LPP: variants seen among roughly 807,000 people sequenced by gnomAD.
The protein encoded by LPP is LIM domain containing preferred translocation partner in lipoma.
In LPP, 38 loss-of-function variants were observed where a neutral mutation model predicts 60.4. The ratio of observed to expected loss-of-function variants is 0.63; its 90% CI spans 0.49 to 0.83. The LOEUF (loss-of-function observed/expected upper bound fraction) is 0.83. Ranked by LOEUF, LPP falls within the 40% of genes least tolerant of loss-of-function variation. The probability of loss-of-function intolerance (pLI) is 0.00; values close to 1 mark genes in which losing one functional copy is unlikely to be tolerated. For synonymous variants in LPP, 328 were observed against 290.8 expected, an observed-to-expected ratio of 1.13 and a Z score of -1.30; for missense variants, 902 against 783.6, an observed-to-expected ratio of 1.15 and a Z score of -1.80.
chr3:188,882,549 C>A lies in LPP; in HGVS notation c.*8070C>A, dbSNP rs372945028. ...GAACTTTATTATCACAGAATATGAGCATTCTTATTGATCCACAGCTACATC... is the reference window on the plus strand; with the variant it reads ...GAACTTTATTATCACAGAATATGAGAATTCTTATTGATCCACAGCTACATC... On this transcript the variant is annotated 3_prime_UTR_variant, in exon 12 of 12. Coordinates refer to ENST00000617246, the MANE Select transcript of LPP (RefSeq NM_001375462.1). The A allele has an allele frequency of 5.4e-5, 12 of 222,760 alleles. No homozygotes were observed. Among genetic ancestry groups the A allele is most frequent in the South Asian group, 3.7e-4 (2 of 5,456 alleles). 13.8% of individuals were successfully genotyped at this position (222,760 alleles called of 1,614,324 possible).
chr3:188,414,322 A>G (rs6780858), intron 4 of LPP, among the ~76,000 whole-genome samples: 71,606 of 152,028 alleles, frequency 0.47, 17,166 homozygotes, highest in Middle Eastern at 0.63. Context: ...TGCTAACACA[A>G]TGCTCAAAGG....
In LPP at chr3:188,197,036, G is replaced by T. The variant is rs1018212689; in HGVS notation, c.-189-28369G>T. On this transcript the variant is annotated intron_variant, in intron 1 of 11. Coordinates refer to ENST00000617246, the MANE Select transcript of LPP (RefSeq NM_001375462.1). ...AGCAATGGTAATTCTTTATATTTCT[G>T]TATCTTCAAATCAAAAATAGGTGTG... Among the ~76,000 whole-genome samples, 3 of 152,154 alleles carry T rather than the reference G, an allele frequency of 2.0e-5. No individual in the cohort carries two copies. The East Asian group carries it at 5.8e-4, about 29-fold the overall frequency.
intron 9 of LPP, among the ~76,000 whole-genome samples, chr3:188,776,197 C>T (rs1737714931): frequency 6.6e-6 from 1 of 152,112 alleles, no homozygotes; most frequent in South Asian, 2.1e-4. Flanking sequence ...TGTGAGAGCT[C>T]AGAGGAAAGG....
At chr3:188,766,601 T>C (rs1158019586) in intron 9 of LPP, among the ~76,000 whole-genome samples, 1 of 152,176 alleles carries the variant, frequency 6.6e-6, no homozygotes, top group African/African-American at 2.4e-5. Context: ...TCAGAGCTAA[T>C]ACTTGACCCT....
chr3:188,485,795 T>TAAAAAAAAA (rs1477685729), intron 5 of LPP, among the ~76,000 whole-genome samples: 1 of 1,202 alleles, frequency 8.3e-4, no homozygotes, highest in Non-Finnish European at 6.0e-3. Context: ...AGACTCCGTC[T>TAAAAAAAAA]CAAAAAAAAA....
chr3:188,868,821 A>G (rs1157876717), intron 10 of LPP, among the ~76,000 whole-genome samples: 2 of 152,226 alleles, frequency 1.3e-5, no homozygotes, highest in African/African-American at 4.8e-5. Flanking sequence ...ACTCACATTT[A>G]TAAAGAACCC....
chr3:188,383,821 C>G (rs1052953456), intron 3 of LPP, among the ~76,000 whole-genome samples: 25 of 152,040 alleles, frequency 1.6e-4, no homozygotes, highest in Non-Finnish European at 2.6e-4. Context: ...TATTATTATT[C>G]TTTTATTTCC....
intron 9 of LPP, among the ~76,000 whole-genome samples, chr3:188,794,961 C>A (rs1480328351): frequency 6.6e-6 from 1 of 152,054 alleles, no homozygotes; most frequent in African/African-American, 2.4e-5. Flanking sequence ...CACGGTGAAA[C>A]CCCGTCTCTA....
In LPP at chr3:188,343,348, G is replaced by A. The variant is rs148851575; in HGVS notation, c.-10+1629G>A. 6.7e-4 allele frequency among the ~76,000 whole-genome samples: 102 copies of A among 152,244 alleles called. 4 individuals carry two copies. In the East Asian group the frequency reaches 0.015, roughly 23 times the overall value. On this transcript the variant is annotated intron_variant, in intron 3 of 11. Transcript: ENST00000617246. The stretch of plus-strand genomic sequence containing the variant: ...GGTAGTAGCAAAAAATGTAAGAATG[G>A]CTCCTGTCCACCTTTTATTTCTTTT...
At chr3:188,207,689 C>G (rs529756090) in intron 1 of LPP, among the ~76,000 whole-genome samples, 1 of 149,386 alleles carries the variant, frequency 6.7e-6, no homozygotes, top group South Asian at 2.1e-4. Flanking sequence ...AACTCCTGGG[C>G]TCAAGTAATA....
intron 6 of LPP, among the ~76,000 whole-genome samples, chr3:188,563,760 T>C (rs561144222): frequency 5.1e-4 from 74 of 144,570 alleles, no homozygotes; most frequent in African/African-American, 1.8e-3. Context: ...ATTATCAAAA[T>C]TCAGTGTGGG....
rs77083808 is a variant in LPP at position 188,592,933 on chromosome 3, A to G, written c.430-16228A>G. 6.4e-3 allele frequency among the ~76,000 whole-genome samples: 968 copies of G among 152,268 alleles called. 3 individuals are homozygous for G. The highest frequency in any genetic ancestry group is 0.011 in the Non-Finnish European group (766 of 68,018). On this transcript the variant is annotated intron_variant, in intron 6 of 11. Transcript: ENST00000617246. Reference sequence around the variant, plus strand: ...CAATGAATAATATTATTTTATTTAAACATTATTTAAAAACATGAAAACAGT... The same window carrying G: ...CAATGAATAATATTATTTTATTTAAGCATTATTTAAAAACATGAAAACAGT...
intron 1 of LPP, among the ~76,000 whole-genome samples, chr3:188,171,437 C>T (rs1721553521): frequency 1.3e-5 from 2 of 152,210 alleles, no homozygotes. Context: ...TTCTCATTCT[C>T]CATCTGGATA....
At chr3:188,256,655 T>A (rs1231281443) in intron 2 of LPP, among the ~76,000 whole-genome samples, 4 of 152,180 alleles carry the variant, frequency 2.6e-5, no homozygotes, top group Non-Finnish European at 5.9e-5. Flanking sequence ...AAATTACGTA[T>A]AGCAACATCA....
At chr3:188,270,579 G>A (rs925644044) in intron 2 of LPP, among the ~76,000 whole-genome samples, 17 of 152,312 alleles carry the variant, frequency 1.1e-4, no homozygotes, top group African/African-American at 3.8e-4. Flanking sequence ...AGGCATCAGA[G>A]CTCAGTGCCA....
intron 5 of LPP, among the ~76,000 whole-genome samples, chr3:188,513,712 T>G (rs1383055462): frequency 6.6e-6 from 1 of 151,594 alleles, no homozygotes; most frequent in Non-Finnish European, 1.5e-5. Flanking sequence ...AAGTGAGGGG[T>G]TTTTGTTGCA....
At chr3:188,863,766 A>T (rs1366080539) in intron 9 of LPP, among the ~76,000 whole-genome samples, 1 of 152,122 alleles carries the variant, frequency 6.6e-6, no homozygotes, top group Non-Finnish European at 1.5e-5. Flanking sequence ...TTGTTGCAGA[A>T]ATGTTTGTAT....
chr3:188,558,121 CCTT>C (rs150207345), intron 6 of LPP, among the ~76,000 whole-genome samples: 1,601 of 152,192 alleles, frequency 0.011, 13 homozygotes, highest in Non-Finnish European at 0.017. Flanking sequence ...GTTCTTTTGT[CCTT>C]CTACAGAAAC....
intron 3 of LPP, among the ~76,000 whole-genome samples, chr3:188,384,165 T>C (rs947276097): frequency 2.0e-5 from 3 of 152,236 alleles, no homozygotes; most frequent in Non-Finnish European, 4.4e-5. Flanking sequence ...TGTATTGTTT[T>C]ATGAAGTGTA....
Sources: allele counts gnomAD v4.1 joint callset (sites outside exome capture counted in the v4.1 genomes callset), GRCh38; gene constraint gnomAD v4.1.1; transcripts MANE v1.5; gene names NCBI Gene and HGNC (gene_info 2026-07-23, HGNC 2026-07-21).